Variants in DDX10 observed in about 807,000 individuals in gnomAD.
The protein encoded by DDX10 is DEAD-box helicase 10, also known as probable ATP-dependent RNA helicase DDX10.
Under a neutral mutation model 104.3 loss-of-function variants are expected in DDX10, and 74 were observed. The ratio of observed to expected loss-of-function variants is 0.71; its 90% confidence interval spans 0.59 to 0.86. DDX10 has a LOEUF of 0.86. DDX10 is among the 40% of genes least tolerant of loss of function. The pLI, the probability that DDX10 is intolerant of heterozygous loss-of-function variation, is 0.00. For synonymous variants in DDX10, 351 were observed against 353.4 expected, an observed-to-expected ratio of 0.99 and a Z score of 0.08; for missense variants, 952 against 1,040.0, an observed-to-expected ratio of 0.92 and a Z score of 1.16.
rs555903834 is a variant in DDX10, at chr11:108,925,890, TC to T, written c.2450+7873del. 2.6e-4 allele frequency among the ~76,000 whole-genome samples: 40 copies of T among 152,354 alleles called. No individual in the cohort carries two copies. The South Asian group carries it at 7.9e-3, about 30-fold the overall frequency. On this transcript the variant is annotated intron_variant, in intron 17 of 17. Coordinates refer to ENST00000322536, the MANE Select transcript of DDX10 (RefSeq NM_004398.4). ...GGCAGCTTTGTTGAAGACTGGGTTT[TC>T]TTTCCTTTGAAGTCATTTGAAGGAC...
intron 1 of DDX10, 55 bp from the exon 2 acceptor site, chr11:108,673,412 A>G: frequency 8.5e-7 from 1 of 1,179,136 alleles, no homozygotes; most frequent in Non-Finnish European, 1.3e-6. Context: ...TAGAGAAGAA[A>G]TGGCTGTGTC....
intron 16 of DDX10, among the ~76,000 whole-genome samples, chr11:108,898,135 G>A (rs1336897821): frequency 6.6e-6 from 1 of 152,144 alleles, no homozygotes; most frequent in East Asian, 1.9e-4. Context: ...ACAAATTTGT[G>A]AGGGGGCTGC....
chr11:108,906,966 A>G (rs571681187), intron 16 of DDX10, among the ~76,000 whole-genome samples: 34 of 152,222 alleles, frequency 2.2e-4, no homozygotes, highest in Non-Finnish European at 4.6e-4. Context: ...TTCTTCTTTT[A>G]TACCAATGCT....
At chr11:108,680,739 T>G (rs1173423728) in intron 6 of DDX10, among the ~76,000 whole-genome samples, 1 of 152,208 alleles carries the variant, frequency 6.6e-6, no homozygotes, top group Admixed American at 6.5e-5. Flanking sequence ...ATTTGGAAAA[T>G]GAATTGTGTT....
chr11:108,677,121 A>G lies in DDX10; in HGVS notation c.415A>G (p.Thr139Ala), dbSNP rs371514520. The G allele has an allele frequency of 1.9e-5, 30 of 1,613,604 alleles. No individual in the cohort carries two copies. The highest frequency in any genetic ancestry group is 1.5e-4 in the African/African-American group (11 of 74,992). ...CTTATATCGTCTGCAATGGACTTCA[A>G]CAGATGGGCTGGGGGTTCTCATAAT... ...EALYRLQWTS[T>A]DGLGVLIISP... The change falls in exon 4 of 18, where the codon ACA becomes GCA. Residue 139 changes from threonine to alanine, a missense_variant. Around this residue, in one of 3 missense-constraint regions of DDX10, gnomAD observed 412 missense variants for 479.2 expected, o/e 0.86. Transcript: ENST00000322536.
At chr11:108,891,826 C>T (rs1863379754) in intron 16 of DDX10, among the ~76,000 whole-genome samples, 2 of 152,210 alleles carry the variant, frequency 1.3e-5, no homozygotes, top group South Asian at 2.1e-4. Context: ...CCAGAATTCT[C>T]CAGAACACTT....
intron 3 of DDX10, 68 bp downstream of exon 3, chr11:108,675,794 GA>G: frequency 1.3e-6 from 2 of 1,561,702 alleles, no homozygotes; most frequent in Non-Finnish European, 1.7e-6. Flanking sequence ...CCCAGATGCA[GA>G]TTATATAAAG....
chr11:108,682,707 T>C (rs2094237292), intron 6 of DDX10, among the ~76,000 whole-genome samples: 1 of 152,226 alleles, frequency 6.6e-6, no homozygotes, highest in African/African-American at 2.4e-5. Flanking sequence ...CATCAGTATT[T>C]ATTTAGACTT....
intron 17 of DDX10, among the ~76,000 whole-genome samples, chr11:108,930,066 G>C (rs1863958029): frequency 6.6e-6 from 1 of 152,116 alleles, no homozygotes; most frequent in Non-Finnish European, 1.5e-5. Flanking sequence ...TATATCTTAT[G>C]GGTTTTGACA....
At chr11:108,821,235 A>C (rs1862321856) in intron 13 of DDX10, among the ~76,000 whole-genome samples, 2 of 152,220 alleles carry the variant, frequency 1.3e-5, no homozygotes, top group Non-Finnish European at 2.9e-5. Context: ...TCAGCAGTGA[A>C]TCTTAACATA....
At chr11:108,689,504 T>C (rs971720411) in intron 7 of DDX10, among the ~76,000 whole-genome samples, 1 of 152,064 alleles carries the variant, frequency 6.6e-6, no homozygotes, top group Non-Finnish European at 1.5e-5. Flanking sequence ...TGAGGCTAAG[T>C]TCAAATGTTA....
At chr11:108,752,691 T>G (rs1461884524) in intron 13 of DDX10, among the ~76,000 whole-genome samples, 1 of 152,156 alleles carries the variant, frequency 6.6e-6, no homozygotes, top group East Asian at 1.9e-4. Context: ...ACAGTGGTAT[T>G]TATTTGAGGT....
chr11:108,785,048 A>G (rs1055326181), intron 13 of DDX10, among the ~76,000 whole-genome samples: 8 of 152,068 alleles, frequency 5.3e-5, no homozygotes, highest in Admixed American at 1.3e-4. Flanking sequence ...CCATTGGTCT[A>G]TATGTCTCTT....
intron 13 of DDX10, among the ~76,000 whole-genome samples, chr11:108,796,049 C>T (rs1469310269): frequency 6.6e-6 from 1 of 152,150 alleles, no homozygotes; most frequent in Non-Finnish European, 1.5e-5. Context: ...TTATACCTTT[C>T]AATAAATTTG....
chr11:108,706,557 T>C (rs1049157590), intron 9 of DDX10, among the ~76,000 whole-genome samples, 182 bp from the exon 10 acceptor site: 1 of 152,196 alleles, frequency 6.6e-6, no homozygotes, highest in Non-Finnish European at 1.5e-5. Flanking sequence ...GAATGATAAC[T>C]AGTGATGAAA....
chr11:108,764,397 G>T (rs916206032), intron 13 of DDX10, among the ~76,000 whole-genome samples: 3 of 152,216 alleles, frequency 2.0e-5, no homozygotes, highest in Admixed American at 2.0e-4. Context: ...GCCAGGTGCG[G>T]TGGCTCTAGC....
intron 6 of DDX10, among the ~76,000 whole-genome samples, chr11:108,687,829 C>T (rs758337343): frequency 6.6e-6 from 1 of 152,142 alleles, no homozygotes; most frequent in African/African-American, 2.4e-5. Context: ...ATAACTTAGT[C>T]ATATCTAAAA....
At position 108,665,174 on chromosome 11, in the gene DDX10, T is replaced by A. The variant is rs763048706; in HGVS notation, c.21T>A (p.Ser7=). The change falls in exon 1 of 18, where the codon TCT becomes TCA. Residue 7 remains serine, a synonymous_variant. Transcript: ENST00000322536. MGKTAN[S]PGSGARPDPV... is the part of the protein sequence containing the mutation. ...CCGCAATGGGCAAAACGGCCAACTC[T>A]CCGGGTTCGGGAGCCCGACCCGACC... 1.2e-6 allele frequency: 2 copies of A among 1,610,660 alleles called. No individual in the cohort carries two copies. The highest frequency in any genetic ancestry group is 3.4e-5 in the Admixed American group (2 of 59,160).
rs746030725 is a variant in DDX10, at chr11:108,719,835, G to A, written c.1449G>A (p.Lys483=). The part of the protein sequence containing the change: ...VSYVRSVYLM[K]DKEVFDVSKL... ...ATGTACGATCTGTATATCTGATGAA[G>A]GATAAAGAAGTATTTGATGTGAGCA... The change falls in exon 12 of 18, where the codon AAG becomes AAA. Residue 483 remains lysine (K), a synonymous_variant. Coordinates refer to ENST00000322536, the MANE Select transcript of DDX10 (RefSeq NM_004398.4). 3 of 1,607,442 alleles carry A rather than the reference G, an allele frequency of 1.9e-6. No individual in the cohort carries two copies. Among genetic ancestry groups the A allele is most frequent in the Admixed American group, 1.7e-5 (1 of 59,954 alleles).
Sources: allele counts gnomAD v4.1 joint callset (sites outside exome capture counted in the v4.1 genomes callset), GRCh38; gene constraint gnomAD v4.1.1; regional missense constraint gnomAD v4.1.1; transcripts MANE v1.5; gene names NCBI Gene and HGNC (gene_info 2026-07-23, HGNC 2026-07-21).